Variants in LINGO2 observed in about 807,000 individuals in gnomAD.
LINGO2 encodes the protein leucine rich repeat and Ig domain containing 2.
In LINGO2, 14 loss-of-function variants were observed where a neutral mutation model predicts 30.6. That is an observed-to-expected ratio of 0.46 (90% CI 0.30 to 0.72). LINGO2 has a LOEUF of 0.72. Among genes scored for constraint, LINGO2 ranks in the 30% least tolerant of loss-of-function variants. LINGO2 has a pLI of 0.07. For missense variants in LINGO2, 729 were observed against 751.7 expected, an observed-to-expected ratio of 0.97 and a Z score of 0.35; for synonymous variants, 317 against 288.5, an observed-to-expected ratio of 1.10 and a Z score of -1.00.
intron 2 of LINGO2, among the ~76,000 whole-genome samples, chr9:28,419,231 A>G (rs541030900): frequency 4.6e-5 from 7 of 152,176 alleles, no homozygotes; most frequent in Non-Finnish European, 1.0e-4. Flanking sequence ...CAAATAGTAT[A>G]AAAGCTATTT....
At chr9:28,742,325 T>C in the LINGO2 span, among the ~76,000 whole-genome samples, 395 of 151,930 alleles carry the variant, frequency 2.6e-3, 5 homozygotes, top group African/African-American at 9.0e-3. Context: ...TTACCTAGTT[T>C]CTTTAGATAT....
chr9:28,648,000 G>A (rs1201747076), intron 1 of LINGO2, among the ~76,000 whole-genome samples: 2 of 150,996 alleles, frequency 1.3e-5, no homozygotes, highest in Non-Finnish European at 2.9e-5. Flanking sequence ...CGTAAACAGA[G>A]GGCTGCACAA....
intron 2 of LINGO2, among the ~76,000 whole-genome samples, chr9:28,451,154 C>T (rs1210516533): frequency 6.6e-6 from 1 of 151,806 alleles, no homozygotes; most frequent in Non-Finnish European, 1.5e-5. Flanking sequence ...AGTTCTAATT[C>T]TTCAATATTT....
At chr9:28,993,389 A>G in the LINGO2 span, among the ~76,000 whole-genome samples, 7 of 152,298 alleles carry the variant, frequency 4.6e-5, no homozygotes, top group South Asian at 8.3e-4. Flanking sequence ...TTACCATCCA[A>G]AAAGAGTCCA....
chr9:29,004,223 TTCTC>T, the LINGO2 span, among the ~76,000 whole-genome samples: 202 of 152,114 alleles, frequency 1.3e-3, 1 homozygote, highest in African/African-American at 4.6e-3. Flanking sequence ...TATGTGATAT[TTCTC>T]TCTCTCTTTT....
At chr9:28,051,457 T>A (rs1462092259) in intron 4 of LINGO2, among the ~76,000 whole-genome samples, 2 of 152,130 alleles carry the variant, frequency 1.3e-5, no homozygotes, top group Non-Finnish European at 2.9e-5. Context: ...ATGCACCAAG[T>A]GTATGCACAT....
At chr9:27,950,192 C>A (rs1819219638) in exon 6 of LINGO2, 1 of 1,614,028 alleles carries the variant, frequency 6.2e-7, no homozygotes, top group Non-Finnish European at 8.5e-7. Context: ...CATTGTCCCC[C>A]ACTTCTAGAG....
chr9:28,030,012 G>A (rs1823587940), intron 4 of LINGO2, among the ~76,000 whole-genome samples: 2 of 152,196 alleles, frequency 1.3e-5, no homozygotes, highest in Admixed American at 6.6e-5. Context: ...AGAAGGTGAT[G>A]TAAGGCCACC....
At chr9:29,199,151 T>C in the LINGO2 span, among the ~76,000 whole-genome samples, 1 of 152,128 alleles carries the variant, frequency 6.6e-6, no homozygotes, top group African/African-American at 2.4e-5. Flanking sequence ...TCCTCTACAG[T>C]TGTAGACTGC....
the LINGO2 span, among the ~76,000 whole-genome samples, chr9:29,127,220 A>G: frequency 6.6e-6 from 1 of 152,052 alleles, no homozygotes; most frequent in African/African-American, 2.4e-5. Flanking sequence ...TGTGGCATGT[A>G]CTCTGAAATC....
intron 1 of LINGO2, among the ~76,000 whole-genome samples, chr9:28,553,750 A>C (rs1222918467): frequency 6.6e-6 from 1 of 151,872 alleles, no homozygotes; most frequent in African/African-American, 2.4e-5. Flanking sequence ...GCCAGAGAGA[A>C]AGGTCGGGTT....
At chr9:29,067,114 C>T in the LINGO2 span, among the ~76,000 whole-genome samples, 1 of 151,736 alleles carries the variant, frequency 6.6e-6, no homozygotes, top group African/African-American at 2.4e-5. Context: ...CAGAAGGTAA[C>T]ACCTTTTTGA....
At chr9:27,987,791 A>G (rs1204818555) in intron 5 of LINGO2, among the ~76,000 whole-genome samples, 1 of 151,956 alleles carries the variant, frequency 6.6e-6, no homozygotes, top group East Asian at 1.9e-4. Flanking sequence ...AGATTCATTT[A>G]TGACTCTTTA....
the LINGO2 span, among the ~76,000 whole-genome samples, chr9:28,696,363 G>A: frequency 6.6e-6 from 1 of 151,816 alleles, no homozygotes; most frequent in Non-Finnish European, 1.5e-5. Context: ...CCAAAAATTT[G>A]AAGTCACACA....
chr9:28,482,002 T>C (rs954232892), intron 1 of LINGO2, among the ~76,000 whole-genome samples: 1 of 152,316 alleles, frequency 6.6e-6, no homozygotes, highest in East Asian at 1.9e-4. Flanking sequence ...ATGTGTCACA[T>C]TTTCTTAATC....
chr9:28,200,924 AT>A (rs1820207784), intron 4 of LINGO2, among the ~76,000 whole-genome samples: 1 of 152,180 alleles, frequency 6.6e-6, no homozygotes, highest in Non-Finnish European at 1.5e-5. Flanking sequence ...AAATAAATCA[AT>A]AAATCAATAA....
intron 1 of LINGO2, among the ~76,000 whole-genome samples, chr9:28,514,153 C>A (rs1389997945): frequency 6.6e-6 from 1 of 152,168 alleles, no homozygotes; most frequent in Non-Finnish European, 1.5e-5. Flanking sequence ...TGTCTTTTGG[C>A]TGCTCCACTG....
At chr9:28,889,744 C>G in the LINGO2 span, among the ~76,000 whole-genome samples, 3 of 151,986 alleles carry the variant, frequency 2.0e-5, no homozygotes, top group Non-Finnish European at 4.4e-5. Context: ...TTTTTATCAG[C>G]TTTAATGTCT....
the LINGO2 span, among the ~76,000 whole-genome samples, chr9:28,886,473 C>T: frequency 6.6e-6 from 1 of 152,052 alleles, no homozygotes; most frequent in Non-Finnish European, 1.5e-5. Context: ...CAGGGCTACT[C>T]CTTGGATTTG....
Sources: allele counts gnomAD v4.1 joint callset (sites outside exome capture counted in the v4.1 genomes callset), GRCh38; gene constraint gnomAD v4.1.1; transcripts MANE v1.5; gene names NCBI Gene and HGNC (gene_info 2026-07-23, HGNC 2026-07-21).